Variants in LEAP2 observed in about 807,000 individuals in gnomAD.
LEAP2 encodes liver-expressed antimicrobial peptide 2.
Under a neutral mutation model 9.3 loss-of-function variants are expected in LEAP2, and 13 were observed. That is an observed-to-expected ratio of 1.39 (90% CI 0.91 to 2.21). The LOEUF is 2.21. Among genes scored for constraint, LEAP2 ranks in the 30% most tolerant of loss-of-function variants. The probability of loss-of-function intolerance (pLI) is 0.00; values close to 1 mark genes in which losing one functional copy is unlikely to be tolerated. For missense variants in LEAP2, 98 were observed against 94.0 expected (o/e 1.04, Z -0.17); for synonymous variants, 34 against 34.9 (o/e 0.98, Z 0.09).
rs578142680 is a variant in LEAP2, at chr5:132,874,589, A to C, written c.*143A>C. On this transcript the variant is annotated 3_prime_UTR_variant, in exon 3 of 3. Transcript: ENST00000296877. ...ATATTTAAAGGCAGATGTACGCTTT[A>C]AATTGGTCTCCATTTCTTCTTAGAA... 57 of 752,492 alleles carry C rather than the reference A, an allele frequency of 7.6e-5. 1 individual carries two copies. In the East Asian group the frequency reaches 1.5e-3, roughly 19 times the overall value. 46.6% of individuals were successfully genotyped at this position (752,492 alleles called of 1,614,324 possible). A position where few individuals can be genotyped will look rare whatever the true frequency, so the allele number is the denominator to read the frequency against.
intron 2 of LEAP2, 22 bp from the exon 3 acceptor site, chr5:132,874,388 A>C (rs1193112991): frequency 6.2e-7 from 1 of 1,610,572 alleles, no homozygotes; most frequent in Non-Finnish European, 8.5e-7. Context: ...GTCTTAAAAA[A>C]CTACCCTTTC....
Position 132,874,464 on chromosome 5 carries a change from G to T in LEAP2, c.*18G>T, listed in dbSNP as rs374440479. On this transcript the variant is annotated 3_prime_UTR_variant, in exon 3 of 3. Coordinates refer to ENST00000296877, the MANE Select transcript of LEAP2 (RefSeq NM_052971.3). Reference sequence around the variant, plus strand: ...AGGAATGATGTACATACCAGGGAAAGAAAGGACAGCAGTCACCTCCGACAA... The same window carrying T: ...AGGAATGATGTACATACCAGGGAAATAAAGGACAGCAGTCACCTCCGACAA... 3 of 1,610,494 alleles carry T rather than the reference G, an allele frequency of 1.9e-6. No homozygotes were observed. Among genetic ancestry groups the T allele is most frequent in the Non-Finnish European group, 8.5e-7 (1 of 1,176,844 alleles).
Position 132,874,495 on chromosome 5 carries a change from C to A in LEAP2, c.*49C>A. On this transcript the variant is annotated 3_prime_UTR_variant, in exon 3 of 3. Coordinates refer to ENST00000296877, the MANE Select transcript of LEAP2 (RefSeq NM_052971.3). Reference sequence around the variant, plus strand: ...ACAGCAGTCACCTCCGACAATGCTCCGTTCTATGGAATATTGATTAACTGC... The same window carrying A: ...ACAGCAGTCACCTCCGACAATGCTCAGTTCTATGGAATATTGATTAACTGC... The A allele has an allele frequency of 1.3e-6, 2 of 1,516,494 alleles. No homozygotes were observed. The highest frequency in any genetic ancestry group is 1.8e-6 in the Non-Finnish European group (2 of 1,091,420). 93.9% of individuals were successfully genotyped at this position (1,516,494 alleles called of 1,614,324 possible).
rs543535129 is a variant in LEAP2 at position 132,874,625 on chromosome 5, T to C, written c.*179T>C. The C allele has an allele frequency of 4.3e-6, 3 of 697,338 alleles. No individual in the cohort carries two copies. In the South Asian group the frequency reaches 4.6e-5, roughly 11 times the overall value. 43.2% of individuals were successfully genotyped at this position (697,338 alleles called of 1,614,324 possible). On this transcript the variant is annotated 3_prime_UTR_variant, in exon 3 of 3. Transcript: ENST00000296877. Reference sequence around the variant, plus strand: ...CATTTCTTCTTAGAATGTTGATATATGGATAAGCATAACTAAACTTGTCAA... The same window carrying C: ...CATTTCTTCTTAGAATGTTGATATACGGATAAGCATAACTAAACTTGTCAA...
In LEAP2 at chr5:132,874,080, G is replaced by A; in HGVS notation, c.188G>A (p.Arg63Lys). Residue 63 changes from arginine to lysine, a missense_variant, in exon 2 of 3, where the codon AGG becomes AAG. Coordinates refer to ENST00000296877, the MANE Select transcript of LEAP2 (RefSeq NM_052971.3). ...CGGGATGATTCTGAGTGTATCACAAGGCTATGCAGGTACTCCCTGAACCTG... is the reference window on the plus strand; with the variant it reads ...CGGGATGATTCTGAGTGTATCACAAAGCTATGCAGGTACTCCCTGAACCTG... ...SCRDDSECIT[R>K]LCRKRRCSLS... 6.2e-7 allele frequency: 1 copy of A among 1,613,114 alleles called. No individual in the cohort carries two copies. Among genetic ancestry groups the A allele is most frequent in the East Asian group, 2.2e-5 (1 of 44,838 alleles).
In LEAP2 at chr5:132,874,473, G is replaced by A. The variant is rs1035048835; in HGVS notation, c.*27G>A. ...GTACATACCAGGGAAAGAAAGGACA[G>A]CAGTCACCTCCGACAATGCTCCGTT... On this transcript the variant is annotated 3_prime_UTR_variant, in exon 3 of 3. Transcript: ENST00000296877. 1 of 1,602,756 alleles carries A rather than the reference G, an allele frequency of 6.2e-7. No individual in the cohort carries two copies. Among genetic ancestry groups the A allele is most frequent in the Non-Finnish European group, 8.5e-7 (1 of 1,169,736 alleles).
Position 132,874,734 on chromosome 5 carries a change from G to T in LEAP2, c.*288G>T. ...CTGGAATTCAAGCTTTTGAGGGAAA[G>T]AAGGATTCATTTTGTATACTAAAGA... On this transcript the variant is annotated 3_prime_UTR_variant, in exon 3 of 3. Coordinates refer to ENST00000296877, the MANE Select transcript of LEAP2 (RefSeq NM_052971.3). 1 of 542,618 alleles carries T rather than the reference G, an allele frequency of 1.8e-6. No individual in the cohort carries two copies. Among genetic ancestry groups the T allele is most frequent in the South Asian group, 2.1e-5 (1 of 48,638 alleles). 33.6% of individuals were successfully genotyped at this position (542,618 alleles called of 1,614,324 possible).
In LEAP2 at chr5:132,874,475, A is replaced by G. The variant is rs1292684253; in HGVS notation, c.*29A>G. 1 of 1,599,498 alleles carries G rather than the reference A, an allele frequency of 6.3e-7. No individual in the cohort carries two copies. Among genetic ancestry groups the G allele is most frequent in the Non-Finnish European group, 8.6e-7 (1 of 1,166,842 alleles). On this transcript the variant is annotated 3_prime_UTR_variant, in exon 3 of 3. Transcript: ENST00000296877. ...ACATACCAGGGAAAGAAAGGACAGCAGTCACCTCCGACAATGCTCCGTTCT... is the reference window on the plus strand; with the variant it reads ...ACATACCAGGGAAAGAAAGGACAGCGGTCACCTCCGACAATGCTCCGTTCT...
In LEAP2 at chr5:132,874,782, T is replaced by A. The variant is rs1012663433; in HGVS notation, c.*336T>A. The A allele has an allele frequency of 4.8e-6, 2 of 416,046 alleles. No individual in the cohort carries two copies. Among genetic ancestry groups the A allele is most frequent in the Non-Finnish European group, 9.0e-6 (2 of 222,554 alleles). The allele number at this position is 416,046 out of a possible 1,614,324, so 25.8% of individuals were successfully genotyped here. On this transcript the variant is annotated 3_prime_UTR_variant, in exon 3 of 3. Coordinates refer to ENST00000296877, the MANE Select transcript of LEAP2 (RefSeq NM_052971.3). ...AGAAAAAAACAGCATTGCCCAATAA[T>A]GTGTTAACTTCTCAATCTGGAAAGT...
At chr5:132,874,243 G>C (rs1759784688) in intron 2 of LEAP2, among the ~76,000 whole-genome samples, 154 bp downstream of exon 2, 1 of 152,162 alleles carries the variant, frequency 6.6e-6, no homozygotes, top group African/African-American at 2.4e-5. Flanking sequence ...TTAGGAGTTA[G>C]GAGCCAAGAA....
Position 132,874,021 on chromosome 5 carries a change from A to C in LEAP2, c.129A>C (p.Arg43Ser). Residue 43 changes from arginine to serine, a missense_variant, in exon 2 of 3, where the codon AGA (arginine) becomes AGC (serine). Physicochemically the swap from Arg to Ser is moderately radical, Grantham distance 110 (BLOSUM62 -1). Transcript: ENST00000296877. ...CACGGAGAATGACCCCATTTTGGAG[A>C]GGGGTTTCCCTCAGGCCTATTGGAG... Reference protein sequence around the residue: ...RRPRRMTPFWRGVSLRPIGAS... With the variant: ...RRPRRMTPFWSGVSLRPIGAS... The C allele has an allele frequency of 6.2e-7, 1 of 1,614,024 alleles. No individual in the cohort carries two copies. Among genetic ancestry groups the C allele is most frequent in the Admixed American group, 1.7e-5 (1 of 60,014 alleles).
At chr5:132,873,888 C>T (rs1007751254) in intron 1 of LEAP2, 62 bp from the exon 2 acceptor site, 5 of 1,602,980 alleles carry the variant, frequency 3.1e-6, no homozygotes, top group African/African-American at 1.3e-5. Context: ...GGAATGATCA[C>T]TCTTCCAAGG....
intron 1 of LEAP2, 90 bp downstream of exon 1, chr5:132,873,841 T>C (rs1006724642): frequency 1.7e-5 from 26 of 1,565,266 alleles, no homozygotes; most frequent in Admixed American, 1.2e-4. Flanking sequence ...TCCTGAGGAA[T>C]GGTTCCTCTG....
In LEAP2 at chr5:132,874,825, A is replaced by G. The variant is rs1441920363; in HGVS notation, c.*379A>G. On this transcript the variant is annotated 3_prime_UTR_variant, in exon 3 of 3. Transcript: ENST00000296877. ...TGGAAAGTGTAGTGAGAGCTACATA[A>G]TCAATAGCTACGTAATCAACTTCAG... 2.8e-6 allele frequency: 1 copy of G among 358,022 alleles called. No individual in the cohort carries two copies. The highest frequency in any genetic ancestry group is 5.3e-6 in the Non-Finnish European group (1 of 187,610). 22.2% of individuals were successfully genotyped at this position (358,022 alleles called of 1,614,324 possible).
chr5:132,874,687 C>A lies in LEAP2; in HGVS notation c.*241C>A. ...TTTTTCTATGGATACTATTAAATGTCTCAAATTGAAATTTTAGCAGTCTGG... is the reference window on the plus strand; with the variant it reads ...TTTTTCTATGGATACTATTAAATGTATCAAATTGAAATTTTAGCAGTCTGG... On this transcript the variant is annotated 3_prime_UTR_variant, in exon 3 of 3. Transcript: ENST00000296877. 3.4e-6 allele frequency: 2 copies of A among 589,584 alleles called. No individual in the cohort carries two copies. Among genetic ancestry groups the A allele is most frequent in the Non-Finnish European group, 6.1e-6 (2 of 330,508 alleles). 36.5% of individuals were successfully genotyped at this position (589,584 alleles called of 1,614,324 possible).
chr5:132,873,679 T>C lies in LEAP2; in HGVS notation c.-16T>C. The stretch of plus-strand genomic sequence containing the variant: ...TGTCCCTGGCTTTCAGGCTCCAACA[T>C]CCTCCCCCTGTCAAGATGTGGCACC... On this transcript the variant is annotated 5_prime_UTR_variant, in exon 1 of 3. Transcript: ENST00000296877. 6.2e-7 allele frequency: 1 copy of C among 1,612,730 alleles called. No homozygotes were observed. The highest frequency in any genetic ancestry group is 2.2e-5 in the East Asian group (1 of 44,776).
chr5:132,874,718 A>G lies in LEAP2; in HGVS notation c.*272A>G, dbSNP rs1759792896. On this transcript the variant is annotated 3_prime_UTR_variant, in exon 3 of 3. Transcript: ENST00000296877. ...TTGAAATTTTAGCAGTCTGGAATTC[A>G]AGCTTTTGAGGGAAAGAAGGATTCA... 3.6e-6 allele frequency: 2 copies of G among 555,570 alleles called. No homozygotes were observed. Among genetic ancestry groups the G allele is most frequent in the Non-Finnish European group, 6.4e-6 (2 of 310,128 alleles). 34.4% of individuals were successfully genotyped at this position (555,570 alleles called of 1,614,324 possible). A position where few individuals can be genotyped will look rare whatever the true frequency, so the allele number is the denominator to read the frequency against.
chr5:132,874,485 G>A lies in LEAP2; in HGVS notation c.*39G>A, dbSNP rs567118058. Reference sequence around the variant, plus strand: ...GAAAGAAAGGACAGCAGTCACCTCCGACAATGCTCCGTTCTATGGAATATT... The same window carrying A: ...GAAAGAAAGGACAGCAGTCACCTCCAACAATGCTCCGTTCTATGGAATATT... On this transcript the variant is annotated 3_prime_UTR_variant, in exon 3 of 3. Coordinates refer to ENST00000296877, the MANE Select transcript of LEAP2 (RefSeq NM_052971.3). 1.6e-5 allele frequency: 25 copies of A among 1,567,920 alleles called. No individual in the cohort carries two copies. The highest frequency in any genetic ancestry group is 1.1e-4 in the African/African-American group (8 of 74,010).
Position 132,874,494 on chromosome 5 carries a change from C to T in LEAP2, c.*48C>T. 6.6e-7 allele frequency: 1 copy of T among 1,522,074 alleles called. No homozygotes were observed. The highest frequency in any genetic ancestry group is 9.1e-7 in the Non-Finnish European group (1 of 1,096,438). 94.3% of individuals were successfully genotyped at this position (1,522,074 alleles called of 1,614,324 possible). A position where few individuals can be genotyped will look rare whatever the true frequency, so the allele number is the denominator to read the frequency against. On this transcript the variant is annotated 3_prime_UTR_variant, in exon 3 of 3. Transcript: ENST00000296877. ...GACAGCAGTCACCTCCGACAATGCT[C>T]CGTTCTATGGAATATTGATTAACTG...
Sources: allele counts gnomAD v4.1 joint callset (sites outside exome capture counted in the v4.1 genomes callset), GRCh38; gene constraint gnomAD v4.1.1; transcripts MANE v1.5; gene names NCBI Gene and HGNC (gene_info 2026-07-23, HGNC 2026-07-21).